The following HSF2BP variants were observed in gnomAD, a reference collection of about 807,000 sequenced individuals.
The protein encoded by HSF2BP is heat shock transcription factor 2 binding protein.
Under a neutral mutation model 35.0 loss-of-function variants are expected in HSF2BP, and 35 were observed. The observed-to-expected ratio is 1.00, with a 90% CI of 0.76 to 1.32. HSF2BP has a LOEUF of 1.32. Ranked by LOEUF, HSF2BP falls within the 40% of genes most tolerant of loss-of-function variation. The pLI, the probability that HSF2BP is intolerant of heterozygous loss-of-function variation, is 0.00. For missense variants in HSF2BP, 326 were observed against 321.7 expected, an observed-to-expected ratio of 1.01 and a Z score of -0.10; for synonymous variants, 114 against 117.4, an observed-to-expected ratio of 0.97 and a Z score of 0.18.
chr21:43,653,234 G>C (rs2082819505), intron 3 of HSF2BP, among the ~76,000 whole-genome samples: 1 of 116,736 alleles, frequency 8.6e-6, no homozygotes, highest in Non-Finnish European at 1.8e-5. Context: ...AAGGGAAGGG[G>C]AAGGGAAGGG....
intron 6 of HSF2BP, among the ~76,000 whole-genome samples, chr21:43,620,893 GA>G (rs1182303167): frequency 1.3e-5 from 2 of 152,022 alleles, no homozygotes; most frequent in Middle Eastern, 3.4e-3. Context: ...AGGAGAAAAA[GA>G]AAAAACCAAA....
intron 3 of HSF2BP, among the ~76,000 whole-genome samples, chr21:43,648,281 C>T (rs940236831): frequency 6.6e-6 from 1 of 152,202 alleles, no homozygotes; most frequent in Non-Finnish European, 1.5e-5. Flanking sequence ...GCAATAGCAG[C>T]CCCGCAGGAA....
intron 7 of HSF2BP, among the ~76,000 whole-genome samples, chr21:43,613,327 C>A (rs575328255): frequency 6.6e-6 from 1 of 152,298 alleles, no homozygotes; most frequent in Admixed American, 6.5e-5. Flanking sequence ...ACTCTACCAG[C>A]CACTTCAAAG....
intron 8 of HSF2BP, among the ~76,000 whole-genome samples, chr21:43,586,853 T>G (rs953022523): frequency 3.3e-5 from 5 of 152,222 alleles, no homozygotes; most frequent in African/African-American, 1.2e-4. Context: ...CAGACTGAAG[T>G]GCAGTGGCAC....
intron 2 of HSF2BP, among the ~76,000 whole-genome samples, chr21:43,657,247 G>C (rs1405760484): frequency 6.6e-6 from 1 of 152,192 alleles, no homozygotes; most frequent in East Asian, 1.9e-4. Flanking sequence ...GCCGGCGCCT[G>C]TACGCAGCAG....
chr21:43,592,219 C>G lies in HSF2BP; in HGVS notation c.796+6G>C, dbSNP rs8128967. ...AAGCAGCTGGACAGATAACCACCCC[C>G]CTTACCACTCAAAAGCCACCACAGC... is the stretch of plus-strand genomic sequence containing the variant. On this transcript the variant is annotated splice_donor_region_variant and intron_variant, in intron 8 of 8. Coordinates refer to ENST00000291560, the MANE Select transcript of HSF2BP (RefSeq NM_007031.2). The G allele has an allele frequency of 5.4e-4, 866 of 1,597,798 alleles. 7 individuals carry two copies. In the African/African-American group the frequency reaches 9.8e-3, roughly 18 times the overall value.
chr21:43,647,943 A>C (rs911924845), intron 3 of HSF2BP, among the ~76,000 whole-genome samples: 15 of 151,790 alleles, frequency 9.9e-5, no homozygotes, highest in Admixed American at 2.6e-4. Context: ...AAAAAAAAAA[A>C]AAAAAAAAAC....
At chr21:43,579,240 C>A (rs887504509) in intron 8 of HSF2BP, among the ~76,000 whole-genome samples, 1 of 152,194 alleles carries the variant, frequency 6.6e-6, no homozygotes, top group Admixed American at 6.5e-5. Context: ...CCTAAACACC[C>A]AGATCCTTCA....
intron 7 of HSF2BP, among the ~76,000 whole-genome samples, chr21:43,605,701 A>G (rs1202797663): frequency 1.3e-5 from 2 of 149,104 alleles, no homozygotes; most frequent in Admixed American, 1.3e-4. Context: ...TCCCACATAT[A>G]CAAACACACC....
Position 43,618,966 on chromosome 21 carries a change from A to G in HSF2BP, c.575-5019T>C, listed in dbSNP as rs544986015. Among the ~76,000 whole-genome samples the G allele has an allele frequency of 4.3e-4, 66 of 152,010 alleles. No individual in the cohort carries two copies. The East Asian group carries it at 8.7e-3, about 20-fold the overall frequency. On this transcript the variant is annotated intron_variant, in intron 6 of 8. Coordinates refer to ENST00000291560, the MANE Select transcript of HSF2BP (RefSeq NM_007031.2). ...TCTCAAAAAAAGAAAAAAAAAAAAG[A>G]AAAAATTAAAGCTATAAAATTCTTT...
chr21:43,633,563 A>G (rs1393031411), intron 4 of HSF2BP, 142 bp from the exon 5 acceptor site: 1 of 767,882 alleles, frequency 1.3e-6, no homozygotes, highest in Non-Finnish European at 2.0e-6. Flanking sequence ...AGCTAGTCCT[A>G]AGAGAACCAT....
chr21:43,646,469 T>C (rs1469113067), intron 3 of HSF2BP, among the ~76,000 whole-genome samples: 1 of 152,198 alleles, frequency 6.6e-6, no homozygotes, highest in South Asian at 2.1e-4. Flanking sequence ...AGATGAAATT[T>C]GTGATTTAAA....
chr21:43,595,993 T>G (rs2081982752), intron 7 of HSF2BP, among the ~76,000 whole-genome samples: 1 of 152,056 alleles, frequency 6.6e-6, no homozygotes, highest in Non-Finnish European at 1.5e-5. Context: ...GTGCTGAGAT[T>G]ACAGGCATGA....
intron 7 of HSF2BP, 98 bp from the exon 8 acceptor site, chr21:43,592,426 C>A: frequency 1.4e-6 from 1 of 729,724 alleles, no homozygotes; most frequent in Non-Finnish European, 2.4e-6. Context: ...GTATTTAGAG[C>A]TTCCCTCACA....
chr21:43,506,058 C>A, the HSF2BP span, among the ~76,000 whole-genome samples: 3 of 130,932 alleles, frequency 2.3e-5, no homozygotes, highest in African/African-American at 9.1e-5. Flanking sequence ...CGCTTGGTGC[C>A]CTGCTCTGGG....
chr21:43,498,670 G>A, the HSF2BP span, among the ~76,000 whole-genome samples: 20 of 107,044 alleles, frequency 1.9e-4, 1 homozygote, highest in East Asian at 3.6e-3. Flanking sequence ...TGTCTCCATC[G>A]CCACCCAGAC....
chr21:43,632,893 A>ATGTGTG (rs2147020919), intron 5 of HSF2BP, among the ~76,000 whole-genome samples: 1 of 132,570 alleles, frequency 7.5e-6, no homozygotes, highest in East Asian at 2.3e-4. Flanking sequence ...GTGTGTGTGT[A>ATGTGTG]TGTATAAACA....
chr21:43,656,676 G>A lies in HSF2BP; in HGVS notation c.98C>T (p.Thr33Ile). ...GAAGTCCCGTATTTGCATCACTTCA[G>A]TTGTCAGCCGTTCCAGATCCTTCTT... ...VRKKDLERLT[T>I]EVMQIRDFLP... The change falls in exon 3 of 9, where the codon ACT becomes ATT. Residue 33 changes from threonine (T) to isoleucine (I), a missense_variant. By Grantham distance (89) the Thr-to-Ile change is moderately conservative. Transcript: ENST00000291560. 1.9e-6 allele frequency: 3 copies of A among 1,613,874 alleles called. No individual in the cohort carries two copies. The highest frequency in any genetic ancestry group is 1.1e-5 in the South Asian group (1 of 91,066).
chr21:43,603,193 A>G (rs1193234280), intron 7 of HSF2BP, among the ~76,000 whole-genome samples: 1 of 152,234 alleles, frequency 6.6e-6, no homozygotes, highest in Admixed American at 6.5e-5. Flanking sequence ...ATGTCACAGC[A>G]GCGGAGAAAG....
Sources: allele counts gnomAD v4.1 joint callset (sites outside exome capture counted in the v4.1 genomes callset), GRCh38; gene constraint gnomAD v4.1.1; transcripts MANE v1.5; gene names NCBI Gene and HGNC (gene_info 2026-07-23, HGNC 2026-07-21).